Variants in CYP27C1 observed in about 807,000 individuals in gnomAD.
The protein encoded by CYP27C1 is cytochrome P450 family 27 subfamily C member 1.
A neutral mutation model predicts 40.6 loss-of-function variants in CYP27C1; 29 were observed. The ratio of observed to expected loss-of-function variants is 0.71; its 90% CI spans 0.53 to 0.97. The LOEUF (loss-of-function observed/expected upper bound fraction) is 0.97, where lower values mean the gene tolerates loss of function less well. Among genes scored for constraint, CYP27C1 ranks in the 50% least tolerant of loss-of-function variants. The pLI is 0.00. For synonymous variants in CYP27C1, 198 were observed against 186.8 expected, an observed-to-expected ratio of 1.06 and a Z score of -0.49; for missense variants, 390 against 485.8, an observed-to-expected ratio of 0.80 and a Z score of 1.85.
Position 127,205,706 on chromosome 2 carries a change from A to T in CYP27C1, c.473+194T>A, listed in dbSNP as rs530541740. The T allele has an allele frequency of 5.6e-4, 547 of 985,554 alleles. 2 individuals carry two copies. The highest frequency in any genetic ancestry group is 2.3e-3 in the South Asian group (48 of 21,286). The allele number at this position is 985,554 out of a possible 1,614,324, so 61.1% of individuals were successfully genotyped here. A position where few individuals can be genotyped will look rare whatever the true frequency, so the allele number is the denominator to read the frequency against. On this transcript the variant is annotated intron_variant, in intron 2 of 8. Transcript: ENST00000664447. ...CTGGCTCCTGACGGGACAACTCTGC[A>T]CGGAGGAGGAGCCAGAAAGCCCAGC...
intron 7 of CYP27C1, 108 bp from the exon 8 acceptor site, chr2:127,193,405 G>T (rs1573892539): frequency 7.7e-7 from 1 of 1,306,670 alleles, no homozygotes; most frequent in Middle Eastern, 2.7e-4. Context: ...TCCCGCCTGG[G>T]GGCCGCCCGG....
chr2:127,193,786 C>CA lies in CYP27C1; in HGVS notation c.1293+2dup. ...CTGGCCACCCCCATGGCCCCAAACT[C>CA]ACGCCTTTCGGAATCAGATACCCGC... On this transcript the variant is annotated splice_region_variant and intron_variant, in intron 7 of 8. Transcript: ENST00000664447. The CA allele has an allele frequency of 6.2e-7, 1 of 1,614,188 alleles. No homozygotes were observed. Among genetic ancestry groups the CA allele is most frequent in the Non-Finnish European group, 8.5e-7 (1 of 1,180,028 alleles).
chr2:127,188,520 G>A (rs912008543), intron 8 of CYP27C1, among the ~76,000 whole-genome samples: 1 of 148,082 alleles, frequency 6.8e-6, no homozygotes, highest in African/African-American at 2.6e-5. Context: ...TTATAGGTAT[G>A]AGCCACCACT....
At chr2:127,216,666 T>C (rs1052386875) in intron 1 of CYP27C1, among the ~76,000 whole-genome samples, 1 of 152,200 alleles carries the variant, frequency 6.6e-6, no homozygotes, top group Non-Finnish European at 1.5e-5. Context: ...TTATATGATA[T>C]GTTAATTATA....
At chr2:127,192,436 A>G (rs1204733262) in intron 8 of CYP27C1, among the ~76,000 whole-genome samples, 1 of 152,236 alleles carries the variant, frequency 6.6e-6, no homozygotes, top group Non-Finnish European at 1.5e-5. Context: ...AGTTCCTGCT[A>G]TAGCCTGAAT....
chr2:127,196,988 A>G lies in CYP27C1; in HGVS notation c.1048-1487T>C, dbSNP rs1016558810. Among the ~76,000 whole-genome samples, 4 of 152,364 alleles carry G rather than the reference A, an allele frequency of 2.6e-5. No individual in the cohort carries two copies. Among genetic ancestry groups the G allele is most frequent in the African/African-American group, 9.6e-5 (4 of 41,584 alleles). On this transcript the variant is annotated intron_variant, in intron 5 of 8. Transcript: ENST00000664447. The surrounding 1 kb of genome is among the most constrained non-coding windows in gnomAD (Gnocchi z 4.5). ...CTATGCATAAGTTATACCGCAATAA[A>G]ATCATACTAATTTTTAAAAATCAGT...
intron 1 of CYP27C1, among the ~76,000 whole-genome samples, chr2:127,206,520 C>T (rs1028298302): frequency 2.0e-5 from 3 of 152,138 alleles, no homozygotes; most frequent in Non-Finnish European, 4.4e-5. Flanking sequence ...TGTTGCCAGG[C>T]TGGTCTCGAA....
intron 1 of CYP27C1, among the ~76,000 whole-genome samples, chr2:127,215,812 C>T (rs1260061852): frequency 1.3e-5 from 2 of 148,176 alleles, no homozygotes; most frequent in Non-Finnish European, 3.0e-5. Context: ...ACTTACAAAT[C>T]AGTAGAGGAA....
In CYP27C1 at chr2:127,217,478, T is replaced by C. The variant is rs557495377; in HGVS notation, c.282+2511A>G. On this transcript the variant is annotated intron_variant, in intron 1 of 8. Transcript: ENST00000664447. Reference sequence around the variant, plus strand: ...ACCTTATCATAACCCATGAGAGGAATGGCGATTGCTAATCTCCTTTACGGA... The same window carrying C: ...ACCTTATCATAACCCATGAGAGGAACGGCGATTGCTAATCTCCTTTACGGA... 7.2e-5 allele frequency among the ~76,000 whole-genome samples: 11 copies of C among 152,352 alleles called. 1 individual carries two copies. The South Asian group carries it at 1.2e-3, about 17-fold the overall frequency.
intron 2 of CYP27C1, among the ~76,000 whole-genome samples, chr2:127,204,726 C>T (rs1357205920): frequency 6.6e-6 from 1 of 152,104 alleles, no homozygotes; most frequent in East Asian, 1.9e-4. Flanking sequence ...CGGAGAGCAC[C>T]CAGGTAGCAG....
intron 2 of CYP27C1, among the ~76,000 whole-genome samples, chr2:127,204,425 G>T (rs1343800130): frequency 2.9e-5 from 3 of 102,786 alleles, no homozygotes; most frequent in Non-Finnish European, 6.3e-5. Flanking sequence ...AAGAAAGAGA[G>T]AAAGGAAAGA....
Position 127,196,224 on chromosome 2 carries a change from G to A in CYP27C1, c.1048-723C>T, listed in dbSNP as rs187570695. 8.7e-3 allele frequency among the ~76,000 whole-genome samples: 1,273 copies of A among 146,784 alleles called. 12 individuals are homozygous for A. The highest frequency in any genetic ancestry group is 0.03 in the African/African-American group (1,182 of 39,138). On this transcript the variant is annotated intron_variant, in intron 5 of 8. Coordinates refer to ENST00000664447, the MANE Select transcript of CYP27C1 (RefSeq NM_001367502.1). This position sits in a 1 kb window ranked among gnomAD's most constrained non-coding sequence, Gnocchi z 4.5. ...ACTACAGGCGCTCACCACCACGCCC[G>A]GCTAATTTTTTGTATTTTTAGGAGA...
chr2:127,210,818 A>C (rs566063218), intron 1 of CYP27C1, among the ~76,000 whole-genome samples: 16 of 152,350 alleles, frequency 1.1e-4, no homozygotes, highest in African/African-American at 3.8e-4. Context: ...AGAGCTAACT[A>C]TTCTGAATAT....
At position 127,218,646 on chromosome 2, in the gene CYP27C1, G is replaced by A. The variant is rs1206875039; in HGVS notation, c.282+1343C>T. Among the ~76,000 whole-genome samples the A allele has an allele frequency of 6.6e-6, 1 of 152,158 alleles. No homozygotes were observed. The highest frequency in any genetic ancestry group is 2.4e-5 in the African/African-American group (1 of 41,426). On this transcript the variant is annotated intron_variant, in intron 1 of 8. Coordinates refer to ENST00000664447, the MANE Select transcript of CYP27C1 (RefSeq NM_001367502.1). The surrounding 1 kb of genome is among the most constrained non-coding windows in gnomAD (Gnocchi z 6.0). ...CTCCCTCACGTTCATTGACTGAATG[G>A]CTGATGGAACGAATGAATGACTGAA...
Position 127,219,275 on chromosome 2 carries a change from G to A in CYP27C1, c.282+714C>T, listed in dbSNP as rs1683501460. ...AGCCCCCCTCAGCCCCAACTCCGCG[G>A]GTCCCGCCAGCTCTCCACTCCCAGG... On this transcript the variant is annotated intron_variant, in intron 1 of 8. Transcript: ENST00000664447. The surrounding 1 kb of genome is among the most constrained non-coding windows in gnomAD (Gnocchi z 8.7). Among the ~76,000 whole-genome samples, 1 of 152,032 alleles carries A rather than the reference G, an allele frequency of 6.6e-6. No homozygotes were observed. The highest frequency in any genetic ancestry group is 1.5e-5 in the Non-Finnish European group (1 of 67,988).
intron 2 of CYP27C1, among the ~76,000 whole-genome samples, chr2:127,204,509 GAAA>G (rs1428630857): frequency 2.1e-4 from 13 of 63,178 alleles, no homozygotes; most frequent in African/African-American, 5.7e-4. Flanking sequence ...AGGAAGGAAA[GAAA>G]GAAGGAAAGA....
intron 5 of CYP27C1, among the ~76,000 whole-genome samples, chr2:127,198,952 A>G (rs1463524183): frequency 6.6e-6 from 1 of 152,242 alleles, no homozygotes. Context: ...CAGCAGGCCT[A>G]GTACAAACAT....
At chr2:127,191,242 A>C (rs1202618041) in intron 8 of CYP27C1, among the ~76,000 whole-genome samples, 1 of 152,194 alleles carries the variant, frequency 6.6e-6, no homozygotes, top group African/African-American at 2.4e-5. Context: ...AGACTCAAAA[A>C]AAATAATAAA....
Position 127,201,217 on chromosome 2 carries a change from GA to G in CYP27C1, c.787del (p.Ser263ProfsTer41). 1 of 1,614,156 alleles carries G rather than the reference GA, an allele frequency of 6.2e-7. No homozygotes were observed. Among genetic ancestry groups the G allele is most frequent in the Non-Finnish European group, 8.5e-7 (1 of 1,180,030 alleles). On this transcript the variant is annotated frameshift_variant, in exon 4 of 9. Coordinates refer to ENST00000664447, the MANE Select transcript of CYP27C1 (RefSeq NM_001367502.1). LOFTEE classifies it high-confidence loss of function. The surrounding 1 kb of genome is among the most constrained non-coding windows in gnomAD (Gnocchi z 6.0). The part of the protein sequence containing the change: ...LELMFSMFKT[S>X]MYAGAIPRWL... ...TCTGGGGATGGCGCCTGCATACATG[GA>G]GGTCTTGAACATGCTAAACATGAGC...
Sources: gnomAD v4.1 joint callset for allele counts (sites outside exome capture counted in the v4.1 genomes callset) on GRCh38, gnomAD v4.1.1 for gene constraint, Gnocchi (gnomAD v3.1) non-coding constraint, MANE v1.5 for transcripts, NCBI Gene and HGNC (gene_info 2026-07-23, HGNC 2026-07-21) for gene names.